NUP210L: variants seen among roughly 807,000 people sequenced by gnomAD.
The protein encoded by NUP210L is nuclear pore membrane glycoprotein 210-like.
NUP210L carries 74 observed loss-of-function variants against 208.5 expected under a neutral mutation model. The ratio of observed to expected loss-of-function variants is 0.35; its 90% confidence interval spans 0.29 to 0.43. The LOEUF is 0.43. Ranked by LOEUF, NUP210L falls within the 20% of genes least tolerant of loss-of-function variation. The pLI is 1.00. For missense variants in NUP210L, 1,843 were observed against 2,289.4 expected, an observed-to-expected ratio of 0.81 and a Z score of 3.98; for synonymous variants, 780 against 816.9, an observed-to-expected ratio of 0.95 and a Z score of 0.77.
chr1:154,144,216 TAATAA>T (rs746994683), intron 2 of NUP210L, among the ~76,000 whole-genome samples: 6 of 151,980 alleles, frequency 3.9e-5, no homozygotes, highest in Non-Finnish European at 5.9e-5. Flanking sequence ...AAAAAGTGAA[TAATAA>T]AATAAAGTTG....
At chr1:154,136,996 G>A (rs1388483440) in intron 6 of NUP210L, among the ~76,000 whole-genome samples, 1 of 149,944 alleles carries the variant, frequency 6.7e-6, no homozygotes, top group African/African-American at 2.4e-5. Context: ...GATGAATTGA[G>A]TTTCTCAAGA....
chr1:154,061,665 AT>A lies in NUP210L; in HGVS notation c.2563del (p.Ile855SerfsTer7). On this transcript the variant is annotated frameshift_variant, in exon 18 of 40. Transcript: ENST00000368559. LOFTEE classifies it high-confidence loss of function. ...CCCTTTTATCTGATGTACTTTAAGG[AT>A]CTGATGACCTGGAAACATGCAGAAA... 6.3e-7 allele frequency: 1 copy of A among 1,597,284 alleles called. No homozygotes were observed. The highest frequency in any genetic ancestry group is 8.6e-7 in the Non-Finnish European group (1 of 1,167,700).
chr1:154,131,990 A>G (rs1309057650), intron 7 of NUP210L, among the ~76,000 whole-genome samples: 1 of 151,980 alleles, frequency 6.6e-6, no homozygotes, highest in Non-Finnish European at 1.5e-5. Flanking sequence ...TTATATTATT[A>G]GTAGAGATGG....
At chr1:154,020,913 C>T (rs116384406) in intron 32 of NUP210L, among the ~76,000 whole-genome samples, 1,941 of 151,796 alleles carry the variant, frequency 0.013, 40 homozygotes, top group African/African-American at 0.044. Context: ...CTGCCTGCCT[C>T]GGCCTCCCAA....
chr1:154,011,326 C>CA (rs1368804853), intron 34 of NUP210L, among the ~76,000 whole-genome samples: 1 of 150,274 alleles, frequency 6.7e-6, no homozygotes, highest in Admixed American at 6.7e-5. Context: ...TGGGTTCAAG[C>CA]AATTCTCCTG....
intron 10 of NUP210L, among the ~76,000 whole-genome samples, chr1:154,125,214 G>C (rs1237400160): frequency 6.6e-6 from 1 of 151,932 alleles, no homozygotes; most frequent in African/African-American, 2.4e-5. Flanking sequence ...CTTTGGGAGG[G>C]TGAGGCGGGT....
chr1:154,106,625 G>A (rs1436347391), intron 12 of NUP210L, among the ~76,000 whole-genome samples: 4 of 152,206 alleles, frequency 2.6e-5, no homozygotes, highest in Non-Finnish European at 1.5e-5. Flanking sequence ...AGGGGCTTGT[G>A]TAACCCCACC....
chr1:153,995,508 T>A, intron 37 of NUP210L: 2 of 604,538 alleles, frequency 3.3e-6, no homozygotes, highest in Non-Finnish European at 3.0e-6. Context: ...AATACAACTC[T>A]CTAATTCTTG....
intron 25 of NUP210L, among the ~76,000 whole-genome samples, chr1:154,047,940 T>C (rs924978864): frequency 6.6e-6 from 1 of 152,142 alleles, no homozygotes; most frequent in African/African-American, 2.4e-5. Context: ...GGAGGACACC[T>C]GAGTACTCTT....
intron 27 of NUP210L, among the ~76,000 whole-genome samples, chr1:154,042,669 C>G (rs559735071): frequency 6.6e-6 from 1 of 151,386 alleles, no homozygotes; most frequent in South Asian, 2.1e-4. Context: ...ACCTCCTGAT[C>G]CACCTGCCTC....
At chr1:154,104,307 G>C in intron 12 of NUP210L, 97 bp from the exon 13 acceptor site, 1 of 903,832 alleles carries the variant, frequency 1.1e-6, no homozygotes, top group Non-Finnish European at 1.8e-6. Context: ...TCCAGTGATT[G>C]TCCTCCCTGC....
chr1:154,105,351 G>A (rs764470894), intron 12 of NUP210L, among the ~76,000 whole-genome samples: 35 of 152,238 alleles, frequency 2.3e-4, no homozygotes, highest in African/African-American at 5.8e-4. Context: ...TTAGCTGGGC[G>A]TGGTGGCGGG....
chr1:154,003,640 G>A (rs996750026), intron 35 of NUP210L, among the ~76,000 whole-genome samples: 5 of 151,930 alleles, frequency 3.3e-5, no homozygotes, highest in African/African-American at 4.8e-5. Flanking sequence ...CTACAGGTGC[G>A]CGCCACCATG....
exon 2 of NUP210L, chr1:154,152,777 T>G: frequency 6.2e-7 from 1 of 1,614,120 alleles, no homozygotes; most frequent in Non-Finnish European, 8.5e-7. Flanking sequence ...GCGTATCGGT[T>G]GCGTAGATTC....
At position 154,154,191 on chromosome 1, in the gene NUP210L, C is replaced by T. The variant is rs115321560; in HGVS notation, c.203+651G>A. 7.1e-3 allele frequency among the ~76,000 whole-genome samples: 1,078 copies of T among 152,300 alleles called. 15 individuals carry two copies. The highest frequency in any genetic ancestry group is 0.025 in the African/African-American group (1,020 of 41,558). ...TACAGACAGATCTCATCTCCACCCACGATAAATCTTCTCATATTCCCAGAA... is the reference window on the plus strand; with the variant it reads ...TACAGACAGATCTCATCTCCACCCATGATAAATCTTCTCATATTCCCAGAA... On this transcript the variant is annotated intron_variant, in intron 1 of 39. Transcript: ENST00000368559.
intron 11 of NUP210L, among the ~76,000 whole-genome samples, chr1:154,118,096 C>G (rs376638866): frequency 6.6e-6 from 1 of 152,104 alleles, no homozygotes; most frequent in South Asian, 2.1e-4. Flanking sequence ...GATTACCTGA[C>G]GTCAGAAGTT....
chr1:154,091,498 T>G (rs969770839), intron 15 of NUP210L, among the ~76,000 whole-genome samples: 4 of 149,886 alleles, frequency 2.7e-5, no homozygotes, highest in Non-Finnish European at 5.9e-5. Flanking sequence ...TTTCTTTTCT[T>G]TTCTTTTTTT....
At chr1:154,110,955 G>A (rs1657009788) in intron 12 of NUP210L, among the ~76,000 whole-genome samples, 1 of 150,796 alleles carries the variant, frequency 6.6e-6, no homozygotes, top group African/African-American at 2.5e-5. Flanking sequence ...AAAGATCAGA[G>A]CGGAAATAAA....
intron 19 of NUP210L, 62 bp downstream of exon 19, chr1:154,060,880 A>G: frequency 8.7e-7 from 1 of 1,145,256 alleles, no homozygotes; most frequent in Non-Finnish European, 1.3e-6. Context: ...TTGTTATGCT[A>G]TTAATTTTAA....
Sources: gnomAD v4.1 joint callset for allele counts (sites outside exome capture counted in the v4.1 genomes callset) on GRCh38, gnomAD v4.1.1 for gene constraint, MANE v1.5 for transcripts, NCBI Gene and HGNC (gene_info 2026-07-23, HGNC 2026-07-21) for gene names.